MAN1C1: variants seen among roughly 807,000 people sequenced by gnomAD.
MAN1C1 encodes mannosyl-oligosaccharide 1,2-alpha-mannosidase IC.
MAN1C1 carries 49 observed loss-of-function variants against 71.5 expected under a neutral mutation model. The observed-to-expected ratio is 0.69, with a 90% CI of 0.54 to 0.87. The LOEUF (loss-of-function observed/expected upper bound fraction) is 0.87, where lower values mean the gene tolerates loss of function less well. Ranked by LOEUF, MAN1C1 falls within the 40% of genes least tolerant of loss-of-function variation. The pLI is 0.00. For synonymous variants in MAN1C1, 352 were observed against 343.7 expected (o/e 1.02, Z -0.27); for missense variants, 743 against 835.0 (o/e 0.89, Z 1.36).
chr1:25,647,531 A>C (rs895209572), intron 1 of MAN1C1, among the ~76,000 whole-genome samples: 2 of 151,474 alleles, frequency 1.3e-5, no homozygotes, highest in Non-Finnish European at 2.9e-5. Flanking sequence ...AACTCCAAGC[A>C]ATGCCCCTCT....
intron 6 of MAN1C1, among the ~76,000 whole-genome samples, chr1:25,763,001 C>G (rs1249165285): frequency 1.3e-5 from 2 of 152,106 alleles, no homozygotes; most frequent in African/African-American, 2.4e-5. Context: ...GGCACAGTGA[C>G]TCACGCCTAT....
chr1:25,749,291 T>C lies in MAN1C1; in HGVS notation c.790T>C (p.Tyr264His). The change falls in exon 4 of 12, where the codon TAC (tyrosine) becomes CAC (histidine). Residue 264 changes from tyrosine to histidine, a missense_variant. Transcript: ENST00000374332. ...ATCCTTGTTTGAGGTGAACATCCGC[T>C]ACATCGGGGGACTCCTCTCAGCCTT... is the stretch of plus-strand genomic sequence containing the variant. ...EASLFEVNIR[Y>H]IGGLLSAFYL... 5 of 1,612,604 alleles carry C rather than the reference T, an allele frequency of 3.1e-6. No individual in the cohort carries two copies. Among genetic ancestry groups the C allele is most frequent in the Non-Finnish European group, 4.2e-6 (5 of 1,179,354 alleles).
intron 1 of MAN1C1, 53 bp from the exon 2 acceptor site, chr1:25,686,387 C>T: frequency 6.7e-7 from 1 of 1,485,626 alleles, no homozygotes; most frequent in South Asian, 1.1e-5. Context: ...GGCCAGTGCG[C>T]ACTGCCAGGA....
In MAN1C1 at chr1:25,764,665, G is replaced by A. The variant is rs952765483; in HGVS notation, c.1141+698G>A. Among the ~76,000 whole-genome samples the A allele has an allele frequency of 1.3e-5, 2 of 151,828 alleles. No individual in the cohort carries two copies. The highest frequency in any genetic ancestry group is 2.0e-4 in the East Asian group (1 of 5,126). Reference sequence around the variant, plus strand: ...ACTCCTGACCTCAAATGATCCAACCGCCTCGGCCTCCCAAAGTGCTGGGAT... The same window carrying A: ...ACTCCTGACCTCAAATGATCCAACCACCTCGGCCTCCCAAAGTGCTGGGAT... On this transcript the variant is annotated intron_variant, in intron 7 of 11. Coordinates refer to ENST00000374332, the MANE Select transcript of MAN1C1 (RefSeq NM_020379.4). The surrounding 1 kb of genome is among the most constrained non-coding windows in gnomAD (Gnocchi z 4.4).
chr1:25,717,014 G>T (rs1248108324), intron 2 of MAN1C1, among the ~76,000 whole-genome samples: 4 of 152,108 alleles, frequency 2.6e-5, no homozygotes, highest in Non-Finnish European at 5.9e-5. Flanking sequence ...CCTGTGTATT[G>T]TCGAGTAGTA....
intron 2 of MAN1C1, among the ~76,000 whole-genome samples, chr1:25,698,617 C>T (rs1007617612): frequency 2.0e-5 from 3 of 152,076 alleles, no homozygotes; most frequent in South Asian, 2.1e-4. Flanking sequence ...AGGCTTACAC[C>T]AAGGGCTCCT....
Position 25,735,504 on chromosome 1 carries a change from G to A in MAN1C1, c.638-11164G>A, listed in dbSNP as rs2046971618. Among the ~76,000 whole-genome samples the A allele has an allele frequency of 6.6e-6, 1 of 152,142 alleles. No individual in the cohort carries two copies. The highest frequency in any genetic ancestry group is 6.5e-5 in the Admixed American group (1 of 15,272). ...TATATATGTGTGTATATGTGTGTAT[G>A]TATGTGTGTGTATATATATGTGTAT... On this transcript the variant is annotated intron_variant, in intron 2 of 11. Coordinates refer to ENST00000374332, the MANE Select transcript of MAN1C1 (RefSeq NM_020379.4). The surrounding 1 kb of genome is among the most constrained non-coding windows in gnomAD (Gnocchi z 4.6).
At position 25,720,896 on chromosome 1, in the gene MAN1C1, A is replaced by G. The variant is rs563579735; in HGVS notation, c.638-25772A>G. Among the ~76,000 whole-genome samples, 3 of 152,310 alleles carry G rather than the reference A, an allele frequency of 2.0e-5. No homozygotes were observed. The South Asian group carries it at 6.2e-4, about 32-fold the overall frequency. ...TTCATTCTTTTGCATGTGGATATCCAATTGTTCCAGCACAATTTTTTGAAA... is the reference window on the plus strand; with the variant it reads ...TTCATTCTTTTGCATGTGGATATCCGATTGTTCCAGCACAATTTTTTGAAA... On this transcript the variant is annotated intron_variant, in intron 2 of 11. Coordinates refer to ENST00000374332, the MANE Select transcript of MAN1C1 (RefSeq NM_020379.4).
At chr1:25,780,696 A>G (rs2047680579) in intron 9 of MAN1C1, 1 of 446,526 alleles carries the variant, frequency 2.2e-6, no homozygotes, top group African/African-American at 2.0e-5. Context: ...TTGGACTCTC[A>G]GAGTCCAAAG....
intron 2 of MAN1C1, among the ~76,000 whole-genome samples, chr1:25,721,629 C>T (rs2046767462): frequency 6.6e-6 from 1 of 152,202 alleles, no homozygotes; most frequent in Non-Finnish European, 1.5e-5. Flanking sequence ...ATCCTACAAC[C>T]TTGCTGAACT....
In MAN1C1 at chr1:25,758,723, C is replaced by G. The variant is rs776370008; in HGVS notation, c.1047+14C>G. Reference sequence around the variant, plus strand: ...TTCGCTGAAAAGGCAAGTCTCCTCCCCACCCTTCTTCCTGCGGAGCAGAGG... The same window carrying G: ...TTCGCTGAAAAGGCAAGTCTCCTCCGCACCCTTCTTCCTGCGGAGCAGAGG... On this transcript the variant is annotated intron_variant, in intron 6 of 11. Transcript: ENST00000374332. The G allele has an allele frequency of 2.5e-6, 4 of 1,602,608 alleles. No homozygotes were observed. The highest frequency in any genetic ancestry group is 2.6e-6 in the Non-Finnish European group (3 of 1,169,594).
intron 1 of MAN1C1, among the ~76,000 whole-genome samples, chr1:25,643,012 G>C (rs1008999334): frequency 1.3e-5 from 2 of 152,168 alleles, no homozygotes; most frequent in Non-Finnish European, 2.9e-5. Context: ...TCAGGGTTCT[G>C]TGGGGGACGT....
rs1353404464 is a variant in MAN1C1 at position 25,711,898 on chromosome 1, A to G, written c.637+25362A>G. Among the ~76,000 whole-genome samples the G allele has an allele frequency of 6.6e-6, 1 of 152,070 alleles. No individual in the cohort carries two copies. Among genetic ancestry groups the G allele is most frequent in the Non-Finnish European group, 1.5e-5 (1 of 68,016 alleles). ...TTAAAAATTTGGTCTTTAAGAAGAG[A>G]TGTGTAAACAGCTTTCAGGAATGTT... On this transcript the variant is annotated intron_variant, in intron 2 of 11. Transcript: ENST00000374332. The surrounding 1 kb of genome is among the most constrained non-coding windows in gnomAD (Gnocchi z 4.3).
At chr1:25,629,227 TC>T (rs1437398198) in intron 1 of MAN1C1, among the ~76,000 whole-genome samples, 1 of 152,208 alleles carries the variant, frequency 6.6e-6, no homozygotes, top group Non-Finnish European at 1.5e-5. Flanking sequence ...GTATGAGTGT[TC>T]CCTTTTCACC....
chr1:25,662,833 G>A (rs1240138877), intron 1 of MAN1C1, among the ~76,000 whole-genome samples: 12 of 152,166 alleles, frequency 7.9e-5, no homozygotes, highest in Admixed American at 7.2e-4. Context: ...AGGCCAAGGC[G>A]GGAGGATCAC....
chr1:25,749,800 T>C (rs946237557), intron 4 of MAN1C1, among the ~76,000 whole-genome samples: 10 of 152,144 alleles, frequency 6.6e-5, no homozygotes, highest in Non-Finnish European at 1.5e-5. Flanking sequence ...TTAGGACTGA[T>C]AAAGCCAAGA....
intron 1 of MAN1C1, among the ~76,000 whole-genome samples, chr1:25,682,609 G>C (rs989262110): frequency 2.0e-5 from 3 of 152,204 alleles, no homozygotes; most frequent in African/African-American, 7.2e-5. Context: ...CTGTGGTATG[G>C]AAGCAGGAAG....
chr1:25,665,999 A>G (rs1001165596), intron 1 of MAN1C1, among the ~76,000 whole-genome samples: 1 of 151,490 alleles, frequency 6.6e-6, no homozygotes, highest in African/African-American at 2.4e-5. Flanking sequence ...CACATTGTTC[A>G]TGCTAAACTC....
Position 25,617,065 on chromosome 1 carries a change from C to A in MAN1C1, c.-733C>A, listed in dbSNP as rs2045108885. 6.6e-6 allele frequency among the ~76,000 whole-genome samples: 1 copy of A among 151,904 alleles called. No individual in the cohort carries two copies. Among genetic ancestry groups the A allele is most frequent in the Admixed American group, 6.5e-5 (1 of 15,270 alleles). ...CGCATCTGCAGCCGCCCAGCCGCGGCTCCGGACCCAGGCATCCCTGCGCTG... is the reference window on the plus strand; with the variant it reads ...CGCATCTGCAGCCGCCCAGCCGCGGATCCGGACCCAGGCATCCCTGCGCTG... On this transcript the variant is annotated 5_prime_UTR_variant, in exon 1 of 12. Transcript: ENST00000374332. This position sits in a 1 kb window ranked among gnomAD's most constrained non-coding sequence, Gnocchi z 5.1.
Sources: allele counts gnomAD v4.1 joint callset (sites outside exome capture counted in the v4.1 genomes callset), GRCh38; gene constraint gnomAD v4.1.1; non-coding constraint Gnocchi (gnomAD v3.1); transcripts MANE v1.5; gene names NCBI Gene and HGNC (gene_info 2026-07-23, HGNC 2026-07-21).